TP53INP2: variants seen among roughly 807,000 people sequenced by gnomAD.
The protein encoded by TP53INP2 is tumor protein p53-inducible nuclear protein 2.
In TP53INP2, 12 loss-of-function variants were observed where a neutral mutation model predicts 17.1. The observed-to-expected ratio is 0.70, with a 90% CI of 0.45 to 1.14. The LOEUF (loss-of-function observed/expected upper bound fraction) is 1.14, where lower values mean the gene tolerates loss of function less well. Among genes scored for constraint, TP53INP2 ranks in the 50% most tolerant of loss-of-function variants. The pLI is 0.00. For synonymous variants in TP53INP2, 145 were observed against 147.3 expected, an observed-to-expected ratio of 0.98 and a Z score of 0.12; for missense variants, 342 against 330.9, an observed-to-expected ratio of 1.03 and a Z score of -0.26.
In TP53INP2 at chr20:34,709,998, G is replaced by A; in HGVS notation, c.414-60G>A. The stretch of plus-strand genomic sequence containing the variant: ...CGAAGCAAGGGTGGGAGATGGCAGC[G>A]CCCTCTAGACCCCCCGCCCAGCTTA... On this transcript the variant is annotated intron_variant, in intron 4 of 4. Transcript: ENST00000374810. The surrounding 1 kb of genome is among the most constrained non-coding windows in gnomAD (Gnocchi z 5.4). 2.8e-6 allele frequency: 3 copies of A among 1,088,068 alleles called. No homozygotes were observed. Among genetic ancestry groups the A allele is most frequent in the Non-Finnish European group, 3.4e-6 (3 of 891,728 alleles). The allele number at this position is 1,088,068 out of a possible 1,614,324, so 67.4% of individuals were successfully genotyped here. A position where few individuals can be genotyped will look rare whatever the true frequency, so the allele number is the denominator to read the frequency against.
Position 34,709,269 on chromosome 20 carries a change from C to T in TP53INP2, c.158C>T (p.Ala53Val). ...SYAAPPSPGA[A>V]PAPAGRPPPA... ...GCGGCTCCACCCAGCCCCGGGGCCG[C>T]CCCTGCCCCCGCGGGCCGCCCTCCG... Residue 53 changes from alanine to valine, a missense_variant, in exon 4 of 5, where the codon GCC becomes GTC. Coordinates refer to ENST00000374810, the MANE Select transcript of TP53INP2 (RefSeq NM_021202.3). This position sits in a 1 kb window ranked among gnomAD's most constrained non-coding sequence, Gnocchi z 5.4. 1 of 1,593,820 alleles carries T rather than the reference C, an allele frequency of 6.3e-7. No homozygotes were observed. Among genetic ancestry groups the T allele is most frequent in the Non-Finnish European group, 8.5e-7 (1 of 1,170,146 alleles).
chr20:34,704,619 G>C (rs1201993333), intron 1 of TP53INP2, 107 bp downstream of exon 1: 1 of 152,034 alleles, frequency 6.6e-6, no homozygotes, highest in Non-Finnish European at 1.5e-5. Context: ...CCGGGGCCGC[G>C]TTCCCGGCTC....
chr20:34,710,468 C>A lies in TP53INP2; in HGVS notation c.*161C>A. On this transcript the variant is annotated 3_prime_UTR_variant, in exon 5 of 5. Coordinates refer to ENST00000374810, the MANE Select transcript of TP53INP2 (RefSeq NM_021202.3). The surrounding 1 kb of genome is among the most constrained non-coding windows in gnomAD (Gnocchi z 4.9). ...CCTCAATTTCCCCATCTCTGATCCT[C>A]TAATCTGCCTCTGAACCCATTCACC... 1 of 792,354 alleles carries A rather than the reference C, an allele frequency of 1.3e-6. No individual in the cohort carries two copies. The highest frequency in any genetic ancestry group is 1.7e-6 in the Non-Finnish European group (1 of 583,548). 49.1% of individuals were successfully genotyped at this position (792,354 alleles called of 1,614,324 possible).
Position 34,710,173 on chromosome 20 carries a change from C to A in TP53INP2, c.529C>A (p.Gln177Lys). 3 of 1,334,724 alleles carry A rather than the reference C, an allele frequency of 2.2e-6. No individual in the cohort carries two copies. The highest frequency in any genetic ancestry group is 3.2e-5 in the Admixed American group (1 of 31,504). The allele number at this position is 1,334,724 out of a possible 1,614,324, so 82.7% of individuals were successfully genotyped here. A position where few individuals can be genotyped will look rare whatever the true frequency, so the allele number is the denominator to read the frequency against. Residue 177 changes from glutamine to lysine, a missense_variant, in exon 5 of 5, where the codon CAG becomes AAG. Coordinates refer to ENST00000374810, the MANE Select transcript of TP53INP2 (RefSeq NM_021202.3). This position sits in a 1 kb window ranked among gnomAD's most constrained non-coding sequence, Gnocchi z 4.9. The part of the protein sequence containing the change: ...GQVRRLQRAR[Q>K]RAERHALSAK... The stretch of plus-strand genomic sequence containing the variant: ...GGTGCGGCGGCTGCAGCGGGCCCGG[C>A]AGCGGGCAGAGCGCCACGCGCTGAG...
In TP53INP2 at chr20:34,709,636, G is replaced by A. The variant is rs1329362189; in HGVS notation, c.413+112G>A. 4.1e-6 allele frequency: 6 copies of A among 1,447,364 alleles called. No individual in the cohort carries two copies. Among genetic ancestry groups the A allele is most frequent in the Non-Finnish European group, 4.5e-6 (5 of 1,107,742 alleles). The allele number at this position is 1,447,364 out of a possible 1,614,324, so 89.7% of individuals were successfully genotyped here. A position where few individuals can be genotyped will look rare whatever the true frequency, so the allele number is the denominator to read the frequency against. ...CCAGGAGCCCGCCCCGCGCTCGAGG[G>A]GGTAGCGGCCTTGGGAGGGTTGCCT... On this transcript the variant is annotated intron_variant, in intron 4 of 4. Coordinates refer to ENST00000374810, the MANE Select transcript of TP53INP2 (RefSeq NM_021202.3). This position sits in a 1 kb window ranked among gnomAD's most constrained non-coding sequence, Gnocchi z 5.4.
At chr20:34,707,918 C>T (rs550969174) in intron 2 of TP53INP2, among the ~76,000 whole-genome samples, 10 of 152,266 alleles carry the variant, frequency 6.6e-5, no homozygotes, top group South Asian at 2.1e-4. Context: ...CCTGCCACCA[C>T]GCCCAGCTAA....
intron 3 of TP53INP2, 135 bp downstream of exon 3, chr20:34,708,998 C>T (rs1410280680): frequency 2.8e-5 from 40 of 1,429,620 alleles, no homozygotes; most frequent in Non-Finnish European, 3.5e-5. Flanking sequence ...GGGGCCCCTT[C>T]CCATGAAAGC....
rs777400598 is a variant in TP53INP2 at position 34,708,786 on chromosome 20, C to G, written c.47C>G (p.Pro16Arg). 17 of 1,609,542 alleles carry G rather than the reference C, an allele frequency of 1.1e-5. No homozygotes were observed. The highest frequency in any genetic ancestry group is 3.4e-5 in the Admixed American group (2 of 59,398). Residue 16 changes from proline (P) to arginine (R), a missense_variant, in exon 3 of 5, where the codon CCC (proline) becomes CGC (arginine). By Grantham distance (103) the Pro-to-Arg change is moderately radical (BLOSUM62 -2). Coordinates refer to ENST00000374810, the MANE Select transcript of TP53INP2 (RefSeq NM_021202.3). ...SSLFFSTPSP[P>R]EDPDCPRAFV... ...CTCTTCTTCAGCACCCCCTCGCCCCCCGAAGACCCCGACTGCCCCCGCGCC... is the reference window on the plus strand; with the variant it reads ...CTCTTCTTCAGCACCCCCTCGCCCCGCGAAGACCCCGACTGCCCCCGCGCC...
chr20:34,709,482 C>T lies in TP53INP2; in HGVS notation c.371C>T (p.Pro124Leu). The T allele has an allele frequency of 3.1e-6, 5 of 1,612,278 alleles. No individual in the cohort carries two copies. Among genetic ancestry groups the T allele is most frequent in the Non-Finnish European group, 4.2e-6 (5 of 1,179,826 alleles). ...TIVLEPGSPS[P>L]LPDAALPDGD... The stretch of plus-strand genomic sequence containing the variant: ...GTGCTAGAGCCCGGGTCCCCTTCCC[C>T]GCTCCCGGACGCGGCCCTGCCTGAC... Residue 124 changes from proline (P) to leucine (L), a missense_variant, in exon 4 of 5, where the codon CCG becomes CTG. Coordinates refer to ENST00000374810, the MANE Select transcript of TP53INP2 (RefSeq NM_021202.3). The surrounding 1 kb of genome is among the most constrained non-coding windows in gnomAD (Gnocchi z 5.4).
In TP53INP2 at chr20:34,710,245, C is replaced by T; in HGVS notation, c.601C>T (p.Arg201Cys). The T allele has an allele frequency of 6.8e-7, 1 of 1,479,272 alleles. No individual in the cohort carries two copies. The highest frequency in any genetic ancestry group is 9.1e-7 in the Non-Finnish European group (1 of 1,104,056). The allele number at this position is 1,479,272 out of a possible 1,614,324, so 91.6% of individuals were successfully genotyped here. ...RQNRARESRP[R>C]RSKNQSSFIY... ...GAACCGAGCCCGCGAGAGCCGTCCG[C>T]GCCGGTCCAAGAACCAGAGCAGCTT... The change falls in exon 5 of 5, where the codon CGC (arginine) becomes TGC (cysteine). Residue 201 changes from arginine to cysteine, a missense_variant. Arg to Cys is a radical substitution (Grantham distance 180, BLOSUM62 -3). Transcript: ENST00000374810. This position sits in a 1 kb window ranked among gnomAD's most constrained non-coding sequence, Gnocchi z 4.9.
chr20:34,708,424 G>A (rs181437944), intron 2 of TP53INP2, among the ~76,000 whole-genome samples: 4 of 152,118 alleles, frequency 2.6e-5, no homozygotes, highest in East Asian at 1.9e-4. Flanking sequence ...ATAAGAGCCC[G>A]GAGGAAGGTA....
Position 34,710,070 on chromosome 20 carries a change from C to T in TP53INP2, c.426C>T (p.Pro142=). 2 of 1,257,122 alleles carry T rather than the reference C, an allele frequency of 1.6e-6. No individual in the cohort carries two copies. The highest frequency in any genetic ancestry group is 2.0e-6 in the Non-Finnish European group (2 of 1,006,150). The allele number at this position is 1,257,122 out of a possible 1,614,324, so 77.9% of individuals were successfully genotyped here. The change falls in exon 5 of 5, where the codon CCC becomes CCT. Residue 142 remains proline (P), a synonymous_variant. Coordinates refer to ENST00000374810, the MANE Select transcript of TP53INP2 (RefSeq NM_021202.3). This position sits in a 1 kb window ranked among gnomAD's most constrained non-coding sequence, Gnocchi z 4.9. ...DGDLSEGELT[P]ARREPRAARH... is the part of the protein sequence containing the mutation. ...TCTGTCCTCACAGGGAATTGACGCC[C>T]GCCCGCCGCGAGCCGCGGGCCGCGC... is the stretch of plus-strand genomic sequence containing the variant.
At position 34,710,141 on chromosome 20, in the gene TP53INP2, C is replaced by T. The variant is rs750094523; in HGVS notation, c.497C>T (p.Ala166Val). 3 of 1,270,284 alleles carry T rather than the reference C, an allele frequency of 2.4e-6. No individual in the cohort carries two copies. The highest frequency in any genetic ancestry group is 5.7e-5 in the South Asian group (2 of 34,806). The allele number at this position is 1,270,284 out of a possible 1,614,324, so 78.7% of individuals were successfully genotyped here. Residue 166 changes from alanine (A) to valine (V), a missense_variant, in exon 5 of 5, where the codon GCG becomes GTG. Coordinates refer to ENST00000374810, the MANE Select transcript of TP53INP2 (RefSeq NM_021202.3). This position sits in a 1 kb window ranked among gnomAD's most constrained non-coding sequence, Gnocchi z 4.9. The part of the protein sequence containing the change: ...LPARAALLEK[A>V]GQVRRLQRAR... ...GCGCGGGCGGCGCTGCTGGAGAAGG[C>T]GGGCCAGGTGCGGCGGCTGCAGCGG...
In TP53INP2 at chr20:34,710,408, G is replaced by A. The variant is rs1281777234; in HGVS notation, c.*101G>A. The A allele has an allele frequency of 2.5e-6, 3 of 1,198,644 alleles. No individual in the cohort carries two copies. The highest frequency in any genetic ancestry group is 4.2e-5 in the Admixed American group (1 of 23,640). 74.3% of individuals were successfully genotyped at this position (1,198,644 alleles called of 1,614,324 possible). A position where few individuals can be genotyped will look rare whatever the true frequency, so the allele number is the denominator to read the frequency against. Reference sequence around the variant, plus strand: ...ACCGAAACCTCCCTTCTTAAAGCGTGTGAGGTTGGGTGATAGCCGTTCCTT... The same window carrying A: ...ACCGAAACCTCCCTTCTTAAAGCGTATGAGGTTGGGTGATAGCCGTTCCTT... On this transcript the variant is annotated 3_prime_UTR_variant, in exon 5 of 5. Transcript: ENST00000374810. This position sits in a 1 kb window ranked among gnomAD's most constrained non-coding sequence, Gnocchi z 4.9.
At position 34,709,470 on chromosome 20, in the gene TP53INP2, G is replaced by C; in HGVS notation, c.359G>C (p.Gly120Ala). The change falls in exon 4 of 5, where the codon GGG (glycine) becomes GCG (alanine). Residue 120 changes from glycine (G) to alanine (A), a missense_variant. Coordinates refer to ENST00000374810, the MANE Select transcript of TP53INP2 (RefSeq NM_021202.3). This position sits in a 1 kb window ranked among gnomAD's most constrained non-coding sequence, Gnocchi z 5.4. The stretch of plus-strand genomic sequence containing the variant: ...GGCAGCACCATAGTGCTAGAGCCCG[G>C]GTCCCCTTCCCCGCTCCCGGACGCG... ...VTGSTIVLEP[G>A]SPSPLPDAAL... is the part of the protein sequence containing the mutation. 1 of 1,613,312 alleles carries C rather than the reference G, an allele frequency of 6.2e-7. No homozygotes were observed. Among genetic ancestry groups the C allele is most frequent in the Admixed American group, 1.7e-5 (1 of 60,028 alleles).
chr20:34,706,877 C>T (rs1163728021), intron 2 of TP53INP2, among the ~76,000 whole-genome samples: 3 of 152,162 alleles, frequency 2.0e-5, no homozygotes, highest in Non-Finnish European at 2.9e-5. Flanking sequence ...ACAAGTGTCT[C>T]AGCAGCAAAA....
At chr20:34,706,057 G>T (rs1987999882) in intron 2 of TP53INP2, among the ~76,000 whole-genome samples, 1 of 152,160 alleles carries the variant, frequency 6.6e-6, no homozygotes, top group African/African-American at 2.4e-5. Flanking sequence ...ATTTGGGGAG[G>T]CACAGTGCAG....
intron 2 of TP53INP2, among the ~76,000 whole-genome samples, chr20:34,706,533 A>G (rs1988009549): frequency 6.6e-6 from 1 of 152,204 alleles, no homozygotes; most frequent in Admixed American, 6.5e-5. Flanking sequence ...CTGTGGCTAC[A>G]TATGGGTTGG....
rs1457015452 is a variant in TP53INP2, at chr20:34,710,458, C to A, written c.*151C>A. On this transcript the variant is annotated 3_prime_UTR_variant, in exon 5 of 5. Transcript: ENST00000374810. This position sits in a 1 kb window ranked among gnomAD's most constrained non-coding sequence, Gnocchi z 4.9. Reference sequence around the variant, plus strand: ...TCCCCGACACCCTCAATTTCCCCATCTCTGATCCTCTAATCTGCCTCTGAA... The same window carrying A: ...TCCCCGACACCCTCAATTTCCCCATATCTGATCCTCTAATCTGCCTCTGAA... The A allele has an allele frequency of 1.2e-6, 1 of 848,992 alleles. No homozygotes were observed. The highest frequency in any genetic ancestry group is 1.6e-6 in the Non-Finnish European group (1 of 634,820). 52.6% of individuals were successfully genotyped at this position (848,992 alleles called of 1,614,324 possible).
Sources: allele counts gnomAD v4.1 joint callset (sites outside exome capture counted in the v4.1 genomes callset), GRCh38; gene constraint gnomAD v4.1.1; non-coding constraint Gnocchi (gnomAD v3.1); transcripts MANE v1.5; gene names NCBI Gene and HGNC (gene_info 2026-07-23, HGNC 2026-07-21).